Variants in IGSF6 observed in about 807,000 individuals in gnomAD.
IGSF6 encodes the protein down-regulated by activation (immunoglobulin superfamily).
In IGSF6, 23 loss-of-function variants were observed where a neutral mutation model predicts 24.7. The observed-to-expected ratio is 0.93, with a 90% CI of 0.67 to 1.32. The LOEUF (loss-of-function observed/expected upper bound fraction) is 1.32, where lower values mean the gene tolerates loss of function less well. IGSF6 is among the 40% of genes most tolerant of loss of function. The pLI, the probability that IGSF6 is intolerant of heterozygous loss-of-function variation, is 0.00. For synonymous variants in IGSF6, 110 were observed against 113.7 expected, an observed-to-expected ratio of 0.97 and a Z score of 0.21; for missense variants, 295 against 293.6, an observed-to-expected ratio of 1.00 and a Z score of -0.04.
At chr16:21,647,516 GGTT>G (rs780824615) in intron 1 of IGSF6, 24 bp from the exon 2 acceptor site, 1 of 1,587,380 alleles carries the variant, frequency 6.3e-7, no homozygotes, top group East Asian at 2.3e-5. Context: ...CAGATGAGTG[GGTT>G]AATGGGCCTG....
At chr16:21,644,243 A>G (rs1966358945) in intron 3 of IGSF6, 47 bp downstream of exon 3, 4 of 1,274,998 alleles carry the variant, frequency 3.1e-6, no homozygotes, top group Non-Finnish European at 4.6e-6. Context: ...TTCTTTTGAT[A>G]ATATTCAAGG....
intron 4 of IGSF6, 133 bp downstream of exon 4, chr16:21,643,415 T>C (rs1293154152): frequency 1.5e-6 from 1 of 646,176 alleles, no homozygotes; most frequent in East Asian, 2.7e-5. Flanking sequence ...AAATAGTGTC[T>C]GCAGTTGAAA....
At chr16:21,650,147 C>T (rs1028764609) in intron 1 of IGSF6, among the ~76,000 whole-genome samples, 1 of 151,822 alleles carries the variant, frequency 6.6e-6, no homozygotes, top group Non-Finnish European at 1.5e-5. Context: ...GTCCCTGTCT[C>T]TATTAAAGGA....
Position 21,640,928 on chromosome 16 carries a change from A to G in IGSF6, c.*606T>C, listed in dbSNP as rs1430891842. 6.6e-6 allele frequency: 1 copy of G among 152,092 alleles called. No individual in the cohort carries two copies. The highest frequency in any genetic ancestry group is 1.5e-5 in the Non-Finnish European group (1 of 68,048). The allele number at this position is 152,092 out of a possible 1,614,324, so 9.4% of individuals were successfully genotyped here. A position where few individuals can be genotyped will look rare whatever the true frequency, so the allele number is the denominator to read the frequency against. On this transcript the variant is annotated 3_prime_UTR_variant, in exon 6 of 6. Coordinates refer to ENST00000268389, the MANE Select transcript of IGSF6 (RefSeq NM_005849.4). ...CTGAAGTTACCTCTGTTTAACCTTCAGCTTTGGATTTTCTGTATTTTGGCT... is the reference window on the plus strand; with the variant it reads ...CTGAAGTTACCTCTGTTTAACCTTCGGCTTTGGATTTTCTGTATTTTGGCT...
At chr16:21,645,844 G>A (rs995775728) in intron 2 of IGSF6, among the ~76,000 whole-genome samples, 2 of 152,188 alleles carry the variant, frequency 1.3e-5, no homozygotes, top group African/African-American at 4.8e-5. Context: ...TATTAAAAAT[G>A]CTTTAAGTGC....
At chr16:21,645,219 G>A (rs1052487388) in intron 2 of IGSF6, among the ~76,000 whole-genome samples, 1 of 152,142 alleles carries the variant, frequency 6.6e-6, no homozygotes, top group African/African-American at 2.4e-5. Flanking sequence ...TTGAGAGGCC[G>A]AGGTGGGCAG....
rs114010235 is a variant in IGSF6, at chr16:21,648,649, G to A, written c.68-1157C>T. ...GGCATGTGAAGCTGGAAAGCCACTCGAGTGCACAAATGGAAAGACCCGCCC... is the reference window on the plus strand; with the variant it reads ...GGCATGTGAAGCTGGAAAGCCACTCAAGTGCACAAATGGAAAGACCCGCCC... On this transcript the variant is annotated intron_variant, in intron 1 of 5. Transcript: ENST00000268389. Among the ~76,000 whole-genome samples the A allele has an allele frequency of 8.8e-3, 1,334 of 152,330 alleles. 21 individuals carry two copies. Among genetic ancestry groups the A allele is most frequent in the African/African-American group, 0.031 (1,274 of 41,558 alleles).
intron 2 of IGSF6, 79 bp from the exon 3 acceptor site, chr16:21,644,475 A>G (rs1268361203): frequency 9.8e-7 from 1 of 1,018,120 alleles, no homozygotes; most frequent in Non-Finnish European, 1.5e-6. Flanking sequence ...TATCCTTCAC[A>G]CTGCGTTTTA....
intron 5 of IGSF6, chr16:21,642,150 T>C (rs1411760933): frequency 6.6e-6 from 1 of 152,144 alleles, no homozygotes; most frequent in African/African-American, 2.4e-5. Context: ...CGTGAAGCGT[T>C]CCATATTTTT....
rs932756456 is a variant in IGSF6 at position 21,640,942 on chromosome 16, T to G, written c.*592A>C. 5 of 152,184 alleles carry G rather than the reference T, an allele frequency of 3.3e-5. No individual in the cohort carries two copies. Among genetic ancestry groups the G allele is most frequent in the African/African-American group, 1.2e-4 (5 of 41,434 alleles). 9.4% of individuals were successfully genotyped at this position (152,184 alleles called of 1,614,324 possible). On this transcript the variant is annotated 3_prime_UTR_variant, in exon 6 of 6. Transcript: ENST00000268389. ...GTTTAACCTTCAGCTTTGGATTTTC[T>G]GTATTTTGGCTTTTATGGTCTTACT...
intron 3 of IGSF6, 113 bp downstream of exon 3, chr16:21,644,177 G>A (rs2141614108): frequency 1.4e-6 from 1 of 725,592 alleles, no homozygotes; most frequent in Admixed American, 2.3e-5. Context: ...ACAGGAAAAT[G>A]TTAATTAGGG....
At position 21,650,508 on chromosome 16, in the gene IGSF6, CAAAAAAAAAAA is replaced by C. The variant is rs3046229; in HGVS notation, c.67+2013_67+2023del. ...GGGTGACAGAGTGAGACTCTTGTCTCAAAAAAAAAAAAAAAAAAAATAGAGGTTGGGGTGGC... is the reference window on the plus strand; with the variant it reads ...GGGTGACAGAGTGAGACTCTTGTCTCAAAAAAAAATAGAGGTTGGGGTGGC... On this transcript the variant is annotated intron_variant, in intron 1 of 5. Transcript: ENST00000268389. Among the ~76,000 whole-genome samples, 2 of 89,990 alleles carry C rather than the reference CAAAAAAAAAAA, an allele frequency of 2.2e-5. 1 individual carries two copies. Among genetic ancestry groups the C allele is most frequent in the Non-Finnish European group, 4.3e-5 (2 of 46,064 alleles). 59.0% of individuals were successfully genotyped at this position (89,990 alleles called of 152,430 possible). A position where few individuals can be genotyped will look rare whatever the true frequency, so the allele number is the denominator to read the frequency against.
At chr16:21,644,045 A>G (rs1966353060) in intron 3 of IGSF6, among the ~76,000 whole-genome samples, 2 of 152,056 alleles carry the variant, frequency 1.3e-5, no homozygotes, top group Admixed American at 1.3e-4. Flanking sequence ...TCTTAATCCC[A>G]TGCTACTGGG....
Position 21,647,409 on chromosome 16 carries a change from A to G in IGSF6, c.151T>C (p.Cys51Arg), listed in dbSNP as rs1966459318. 6.2e-7 allele frequency: 1 copy of G among 1,614,030 alleles called. No individual in the cohort carries two copies. Among genetic ancestry groups the G allele is most frequent in the Non-Finnish European group, 8.5e-7 (1 of 1,179,998 alleles). The part of the protein sequence containing the change: ...DYTHEAVTIK[C>R]TFSATGCPSE... ...GGGCATCCGGTTGCGGAGAAGGTAC[A>G]CTTTATGGTGACGGCCTCATGAGTG... Residue 51 changes from cysteine (C) to arginine (R), a missense_variant, in exon 2 of 6, where the codon TGT becomes CGT. Cys to Arg is a radical substitution (Grantham distance 180). Transcript: ENST00000268389.
intron 3 of IGSF6, 97 bp downstream of exon 3, chr16:21,644,192 CT>C: frequency 1.2e-6 from 1 of 839,114 alleles, no homozygotes; most frequent in East Asian, 2.5e-5. Flanking sequence ...TTAGGGAGCT[CT>C]TGCTGAGGCC....
At chr16:21,642,236 T>C (rs1346047793) in intron 5 of IGSF6, 2 of 152,140 alleles carry the variant, frequency 1.3e-5, no homozygotes, top group African/African-American at 2.4e-5. Context: ...GCATTTGCCC[T>C]CTTGGCTGCT....
chr16:21,646,980 C>T (rs754160372), intron 2 of IGSF6, 153 bp downstream of exon 2: 3 of 1,027,566 alleles, frequency 2.9e-6, no homozygotes, highest in Non-Finnish European at 4.5e-6. Context: ...TAGTCCAAAC[C>T]TCATGGTGAC....
chr16:21,650,538 G>T (rs538273468), intron 1 of IGSF6, among the ~76,000 whole-genome samples: 3 of 151,376 alleles, frequency 2.0e-5, no homozygotes, highest in East Asian at 3.9e-4. Context: ...ATAGAGGTTG[G>T]GGTGGCGGGG....
chr16:21,652,477 G>A, intron 1 of IGSF6, 55 bp downstream of exon 1: 2 of 1,395,622 alleles, frequency 1.4e-6, no homozygotes, highest in East Asian at 4.6e-5. Flanking sequence ...TGCATTAGGT[G>A]AAAAATAGCA....
Sources: allele counts gnomAD v4.1 joint callset (sites outside exome capture counted in the v4.1 genomes callset), GRCh38; gene constraint gnomAD v4.1.1; transcripts MANE v1.5; gene names NCBI Gene and HGNC (gene_info 2026-07-23, HGNC 2026-07-21).